Variants in SBF2 observed in about 807,000 individuals in gnomAD.
SBF2 encodes the protein SET binding factor 2, also known as myotubularin-related protein 13.
A neutral mutation model predicts 225.2 loss-of-function variants in SBF2; 112 were observed. The ratio of observed to expected loss-of-function variants is 0.50; its 90% CI spans 0.43 to 0.58. The LOEUF (loss-of-function observed/expected upper bound fraction) is 0.58. Among genes scored for constraint, SBF2 ranks in the 20% least tolerant of loss-of-function variants. The pLI, the probability that SBF2 is intolerant of heterozygous loss-of-function variation, is 0.00. For missense variants in SBF2, 1,996 were observed against 2,206.2 expected, an observed-to-expected ratio of 0.90 and a Z score of 1.91; for synonymous variants, 763 against 773.3, an observed-to-expected ratio of 0.99 and a Z score of 0.22.
intron 2 of SBF2, among the ~76,000 whole-genome samples, chr11:10,100,035 C>A (rs185982791): frequency 9.2e-5 from 14 of 152,194 alleles, no homozygotes; most frequent in Non-Finnish European, 2.1e-4. Context: ...AAACTAAGTT[C>A]TTCAATAAAA....
At chr11:10,010,866 A>G (rs190330927) in intron 6 of SBF2, among the ~76,000 whole-genome samples, 1 of 152,324 alleles carries the variant, frequency 6.6e-6, no homozygotes, top group Admixed American at 6.5e-5. Context: ...CTTCCTATCC[A>G]TTAGCATGGA....
At chr11:9,839,258 C>G (rs1855938300) in intron 26 of SBF2, 1 of 517,614 alleles carries the variant, frequency 1.9e-6, no homozygotes. Flanking sequence ...AAGAGAAAGA[C>G]AAGAGAAATT....
At chr11:10,164,321 T>A (rs1265009080) in intron 2 of SBF2, among the ~76,000 whole-genome samples, 1 of 152,176 alleles carries the variant, frequency 6.6e-6, no homozygotes. Flanking sequence ...CTCAAAAAAA[T>A]TCACTTTATT....
At chr11:10,140,831 C>G (rs1162540574) in intron 2 of SBF2, among the ~76,000 whole-genome samples, 1 of 150,808 alleles carries the variant, frequency 6.6e-6, no homozygotes, top group Non-Finnish European at 1.5e-5. Context: ...GTAATACACC[C>G]AGTTGGTGTC....
intron 1 of SBF2, among the ~76,000 whole-genome samples, chr11:10,289,143 C>T (rs1963996056): frequency 1.3e-5 from 2 of 152,352 alleles, no homozygotes; most frequent in African/African-American, 4.8e-5. Context: ...CCCGGGGGCG[C>T]TGTGACAGCA....
At chr11:9,826,094 A>G (rs11042503) in intron 28 of SBF2, among the ~76,000 whole-genome samples, 45,383 of 152,092 alleles carry the variant, frequency 0.3, 7,727 homozygotes, top group African/African-American at 0.47. Context: ...GGTCTAAAAT[A>G]CCAGTCCACA....
chr11:9,883,734 A>C (rs1162907047), intron 17 of SBF2, among the ~76,000 whole-genome samples: 1 of 152,222 alleles, frequency 6.6e-6, no homozygotes, highest in Non-Finnish European at 1.5e-5. Context: ...AACACAAGAA[A>C]GAGCTGAATA....
intron 1 of SBF2, among the ~76,000 whole-genome samples, chr11:10,235,013 T>C (rs1197056726): frequency 6.6e-6 from 1 of 152,224 alleles, no homozygotes. Context: ...ACACAGGGTT[T>C]CTTTCTGCCA....
At chr11:9,881,655 T>C (rs923116298) in intron 17 of SBF2, among the ~76,000 whole-genome samples, 7 of 152,078 alleles carry the variant, frequency 4.6e-5, no homozygotes, top group Non-Finnish European at 1.0e-4. Context: ...CCAGAAGTCA[T>C]GTCAGCTTCA....
chr11:9,856,787 T>C, intron 18 of SBF2, 67 bp from the exon 19 acceptor site: 3 of 174,326 alleles, frequency 1.7e-5, no homozygotes, highest in Non-Finnish European at 2.2e-5. Flanking sequence ...AAACATAGAT[T>C]TTTTTTTTTT....
chr11:9,955,989 T>C (rs1053612097), intron 16 of SBF2, among the ~76,000 whole-genome samples: 6 of 152,158 alleles, frequency 3.9e-5, no homozygotes, highest in Admixed American at 6.5e-5. Flanking sequence ...TGTCCTTTTT[T>C]TTCTTTTTTC....
At chr11:9,994,977 C>T (rs913332415) in intron 9 of SBF2, among the ~76,000 whole-genome samples, 5 of 150,700 alleles carry the variant, frequency 3.3e-5, no homozygotes, top group African/African-American at 1.2e-4. Flanking sequence ...GCAGAGGTTG[C>T]AGTGAGCTGA....
chr11:9,966,541 C>T (rs186667418), intron 14 of SBF2, among the ~76,000 whole-genome samples: 135 of 152,192 alleles, frequency 8.9e-4, no homozygotes, highest in African/African-American at 3.2e-3. Context: ...ATAGGGAATT[C>T]TGCTATTATA....
At chr11:9,858,919 A>C (rs1857513569) in intron 17 of SBF2, among the ~76,000 whole-genome samples, 2 of 152,134 alleles carry the variant, frequency 1.3e-5, no homozygotes, top group Non-Finnish European at 2.9e-5. Context: ...ATTCCAGCCC[A>C]TTACCTCCCC....
At chr11:9,846,256 G>A (rs577682223) in intron 23 of SBF2, among the ~76,000 whole-genome samples, 12 of 152,316 alleles carry the variant, frequency 7.9e-5, no homozygotes, top group African/African-American at 2.6e-4. Flanking sequence ...AAGATCAGCA[G>A]CCTTACATTT....
At chr11:10,151,003 G>A (rs1955154299) in intron 2 of SBF2, among the ~76,000 whole-genome samples, 1 of 152,132 alleles carries the variant, frequency 6.6e-6, no homozygotes, top group Non-Finnish European at 1.5e-5. Flanking sequence ...ACACCAGTCA[G>A]CATTTCTTGT....
At chr11:9,901,865 A>C (rs1861746233) in intron 16 of SBF2, among the ~76,000 whole-genome samples, 3 of 152,100 alleles carry the variant, frequency 2.0e-5, no homozygotes, top group African/African-American at 7.2e-5. Flanking sequence ...GGATGGAATC[A>C]AACTCCTGAA....
chr11:10,012,281 G>A (rs902874395), intron 6 of SBF2, among the ~76,000 whole-genome samples: 3 of 152,130 alleles, frequency 2.0e-5, no homozygotes, highest in Admixed American at 1.3e-4. Flanking sequence ...GCATAGCTGG[G>A]ACTAAGGGGT....
chr11:9,832,531 C>A (rs963311892), intron 26 of SBF2, 111 bp from the exon 27 acceptor site: 2 of 742,978 alleles, frequency 2.7e-6, no homozygotes. Flanking sequence ...AAATTGAATA[C>A]TAATATCATA....
Sources: gnomAD v4.1 joint callset for allele counts (sites outside exome capture counted in the v4.1 genomes callset) on GRCh38, gnomAD v4.1.1 for gene constraint, MANE v1.5 for transcripts, NCBI Gene and HGNC (gene_info 2026-07-23, HGNC 2026-07-21) for gene names.